Variants in KDM4C observed in about 807,000 individuals in gnomAD.
The protein encoded by KDM4C is lysine demethylase 4C.
A neutral mutation model predicts 129.3 loss-of-function variants in KDM4C; 81 were observed. The observed-to-expected ratio is 0.63, with a 90% CI of 0.52 to 0.75. The LOEUF is 0.75. Among genes scored for constraint, KDM4C ranks in the 30% least tolerant of loss-of-function variants. The probability of loss-of-function intolerance (pLI) is 0.00; values close to 1 mark genes in which losing one functional copy is unlikely to be tolerated. For missense variants in KDM4C, 1,457 were observed against 1,304.0 expected (o/e 1.12, Z -1.81); for synonymous variants, 573 against 456.1 (o/e 1.26, Z -3.26).
chr9:6,830,321 C>T (rs1372264252), intron 4 of KDM4C, among the ~76,000 whole-genome samples: 1 of 152,102 alleles, frequency 6.6e-6, no homozygotes, highest in African/African-American at 2.4e-5. Flanking sequence ...CATTCACTTG[C>T]CCAAGGGTAG....
chr9:6,735,033 T>C, intron 1 of KDM4C: 2 of 490,128 alleles, frequency 4.1e-6, no homozygotes, highest in Non-Finnish European at 8.0e-6. Flanking sequence ...TGTAAGAGTT[T>C]CTCATGGGTG....
At chr9:7,034,834 A>G (rs1249619452) in intron 15 of KDM4C, among the ~76,000 whole-genome samples, 2 of 152,094 alleles carry the variant, frequency 1.3e-5, no homozygotes, top group Non-Finnish European at 2.9e-5. Flanking sequence ...CCTTACCAGT[A>G]TTTGTTACTT....
chr9:7,019,663 T>C (rs974726798), intron 15 of KDM4C, among the ~76,000 whole-genome samples: 2 of 126,824 alleles, frequency 1.6e-5, no homozygotes, highest in Non-Finnish European at 3.5e-5. Context: ...TTTTAAAGAT[T>C]CTCTTTAAAA....
Position 7,135,279 on chromosome 9 carries a change from A to G in KDM4C, c.2781+7043A>G, listed in dbSNP as rs570995243. The stretch of plus-strand genomic sequence containing the variant: ...TTCAAATATATACCTCCCTCACTTG[A>G]GGGTATTTCTCTTATTTTCTGTGCT... On this transcript the variant is annotated intron_variant, in intron 19 of 21. Coordinates refer to ENST00000381309, the MANE Select transcript of KDM4C (RefSeq NM_015061.6). Among the ~76,000 whole-genome samples the G allele has an allele frequency of 1.5e-4, 23 of 152,114 alleles. No homozygotes were observed. In the South Asian group the frequency reaches 4.6e-3, roughly 30 times the overall value.
chr9:6,767,881 A>T (rs1483880783), intron 1 of KDM4C, among the ~76,000 whole-genome samples: 1 of 152,148 alleles, frequency 6.6e-6, no homozygotes, highest in East Asian at 1.9e-4. Flanking sequence ...TGGCCCTGAG[A>T]TAGGTAAAAT....
intron 8 of KDM4C, among the ~76,000 whole-genome samples, chr9:6,935,093 GAC>G (rs1824519124): frequency 6.6e-6 from 1 of 152,032 alleles, no homozygotes; most frequent in Non-Finnish European, 1.5e-5. Context: ...CTTAACTACT[GAC>G]TTAGAAGAAT....
At chr9:7,041,376 T>C (rs1168509011) in intron 15 of KDM4C, among the ~76,000 whole-genome samples, 1 of 152,032 alleles carries the variant, frequency 6.6e-6, no homozygotes, top group Non-Finnish European at 1.5e-5. Context: ...GATTTTGGTA[T>C]CTGTGAGGGG....
At chr9:6,965,732 A>G (rs1414010415) in intron 8 of KDM4C, among the ~76,000 whole-genome samples, 4 of 152,226 alleles carry the variant, frequency 2.6e-5, no homozygotes, top group Non-Finnish European at 4.4e-5. Flanking sequence ...GCAGGGTCTC[A>G]TTCCAAGGCC....
chr9:6,923,457 C>T (rs1194178596), intron 8 of KDM4C, among the ~76,000 whole-genome samples: 3 of 152,080 alleles, frequency 2.0e-5, no homozygotes, highest in Non-Finnish European at 2.9e-5. Context: ...TATGAATGTG[C>T]ATCACTAGTG....
intron 4 of KDM4C, among the ~76,000 whole-genome samples, chr9:6,823,311 C>T (rs780979049): frequency 6.6e-6 from 1 of 152,118 alleles, no homozygotes; most frequent in Non-Finnish European, 1.5e-5. Context: ...ATGTTTTGCA[C>T]CAAAAGGGGG....
intron 5 of KDM4C, among the ~76,000 whole-genome samples, chr9:6,862,600 C>T (rs1193448470): frequency 2.0e-5 from 3 of 152,030 alleles, no homozygotes; most frequent in African/African-American, 7.3e-5. Context: ...GTCAGGAGTT[C>T]GAGACCAGCC....
intron 5 of KDM4C, among the ~76,000 whole-genome samples, chr9:6,868,999 C>T (rs997647717): frequency 2.6e-5 from 4 of 151,926 alleles, no homozygotes; most frequent in African/African-American, 7.3e-5. Context: ...CATTGTCTTA[C>T]TAGATTTTAT....
Position 6,996,562 on chromosome 9 carries a change from A to G in KDM4C, c.1786+6038A>G, listed in dbSNP as rs116020727. 3.8e-3 allele frequency among the ~76,000 whole-genome samples: 581 copies of G among 152,226 alleles called. 9 individuals carry two copies. Among genetic ancestry groups the G allele is most frequent in the African/African-American group, 0.013 (547 of 41,546 alleles). ...TGCTTCCAATCCCCTTGGTTAAGAGATGAGGTTAATGATGTTTCTAATGCA... is the reference window on the plus strand; with the variant it reads ...TGCTTCCAATCCCCTTGGTTAAGAGGTGAGGTTAATGATGTTTCTAATGCA... On this transcript the variant is annotated intron_variant, in intron 12 of 21. Transcript: ENST00000381309.
chr9:6,944,652 G>T (rs924536537), intron 8 of KDM4C, among the ~76,000 whole-genome samples: 5 of 80,986 alleles, frequency 6.2e-5, no homozygotes, highest in South Asian at 1.3e-3. Flanking sequence ...CAAGGTAGAG[G>T]TTTTTTTTTT....
At chr9:6,969,364 G>T (rs1442289914) in intron 8 of KDM4C, among the ~76,000 whole-genome samples, 1 of 152,022 alleles carries the variant, frequency 6.6e-6, no homozygotes, top group Non-Finnish European at 1.5e-5. Context: ...AATCTTGGCT[G>T]GTTTAAACAG....
chr9:6,919,537 G>GTCTA (rs774364572), intron 8 of KDM4C, among the ~76,000 whole-genome samples: 1,663 of 94,820 alleles, frequency 0.018, 11 homozygotes, highest in African/African-American at 0.036. Context: ...TCATCTGTCT[G>GTCTA]TCTGTCTGTC....
intron 2 of KDM4C, among the ~76,000 whole-genome samples, chr9:6,803,492 C>T (rs1829382550): frequency 6.6e-6 from 1 of 151,410 alleles, no homozygotes; most frequent in Non-Finnish European, 1.5e-5. Context: ...ATCGCTTGAC[C>T]CCGGGAGGTG....
intron 15 of KDM4C, among the ~76,000 whole-genome samples, chr9:7,042,530 A>G (rs937159539): frequency 7.2e-5 from 11 of 152,050 alleles, no homozygotes; most frequent in Admixed American, 7.2e-4. Flanking sequence ...ATTTTTTATG[A>G]TATGGGTTCT....
At chr9:7,048,612 A>G (rs1412432367) in intron 16 of KDM4C, among the ~76,000 whole-genome samples, 1 of 152,050 alleles carries the variant, frequency 6.6e-6, no homozygotes, top group Non-Finnish European at 1.5e-5. Flanking sequence ...GATTAGCATT[A>G]ATTCTTTTGG....
Sources: allele counts gnomAD v4.1 joint callset (sites outside exome capture counted in the v4.1 genomes callset), GRCh38; gene constraint gnomAD v4.1.1; transcripts MANE v1.5; gene names NCBI Gene and HGNC (gene_info 2026-07-23, HGNC 2026-07-21).